TP63: variants seen among roughly 807,000 people sequenced by gnomAD.
TP63 encodes the protein tumor protein p63, also known as tumor protein 63.
Under a neutral mutation model 82.8 loss-of-function variants are expected in TP63, and 17 were observed. The ratio of observed to expected loss-of-function variants is 0.21; its 90% CI spans 0.14 to 0.31. The LOEUF is 0.31. Ranked by LOEUF, TP63 falls within the 10% of genes least tolerant of loss-of-function variation. The probability of loss-of-function intolerance (pLI) is 1.00; values close to 1 mark genes in which losing one functional copy is unlikely to be tolerated. For synonymous variants in TP63, 330 were observed against 321.7 expected (o/e 1.03, Z -0.28); for missense variants, 648 against 895.3 (o/e 0.72, Z 3.52).
rs1560280182 is a variant in TP63 at position 189,868,576 on chromosome 3, C to T, written c.993-4C>T. On this transcript the variant is annotated splice_polypyrimidine_tract_variant and splice_region_variant and intron_variant, in intron 7 of 13. Coordinates refer to ENST00000264731, the MANE Select transcript of TP63 (RefSeq NM_003722.5). Reference sequence around the variant, plus strand: ...TCTTTCTTCCCCTTTATTCTAATTCCTAGTGGGCAAGTCCTGGGCCGACGC... The same window carrying T: ...TCTTTCTTCCCCTTTATTCTAATTCTTAGTGGGCAAGTCCTGGGCCGACGC... 1 of 1,613,956 alleles carries T rather than the reference C, an allele frequency of 6.2e-7. No homozygotes were observed. Among genetic ancestry groups the T allele is most frequent in the Admixed American group, 1.7e-5 (1 of 60,008 alleles).
intron 4 of TP63, among the ~76,000 whole-genome samples, chr3:189,856,487 A>G (rs1408687067): frequency 1.3e-5 from 2 of 152,014 alleles, no homozygotes; most frequent in African/African-American, 2.4e-5. Context: ...AGTTCAAAAA[A>G]ATAGCAAACT....
rs1000383245 is a variant in TP63, at chr3:189,780,445, A to T, written c.325-27827A>T. Among the ~76,000 whole-genome samples, 22 of 152,082 alleles carry T rather than the reference A, an allele frequency of 1.4e-4. 1 individual carries two copies. Among genetic ancestry groups the T allele is most frequent in the African/African-American group, 5.1e-4 (21 of 41,400 alleles). On this transcript the variant is annotated intron_variant, in intron 3 of 13. Coordinates refer to ENST00000264731, the MANE Select transcript of TP63 (RefSeq NM_003722.5). ...GGTTCTTATCAAAATATTTTCTTGC[A>T]CTCTTGAAGTTGGATTTGGTTTTTC...
chr3:189,649,999 G>C (rs1443881574), intron 1 of TP63, among the ~76,000 whole-genome samples: 1 of 147,270 alleles, frequency 6.8e-6, no homozygotes, highest in Non-Finnish European at 1.5e-5. Flanking sequence ...AGGGGCTATT[G>C]TTCTATATGA....
At chr3:189,743,293 T>A (rs1471267160) in intron 3 of TP63, among the ~76,000 whole-genome samples, 4 of 152,168 alleles carry the variant, frequency 2.6e-5, no homozygotes, top group Non-Finnish European at 4.4e-5. Flanking sequence ...CAGCAAAAAA[T>A]TTAATGATAA....
At chr3:189,872,324 A>G (rs1163833296) in intron 9 of TP63, among the ~76,000 whole-genome samples, 1 of 151,904 alleles carries the variant, frequency 6.6e-6, no homozygotes, top group Non-Finnish European at 1.5e-5. Flanking sequence ...ATTTTATTTA[A>G]TATATACCGT....
intron 4 of TP63, among the ~76,000 whole-genome samples, chr3:189,843,490 A>T (rs552238280): frequency 8.5e-4 from 129 of 152,258 alleles, no homozygotes; most frequent in African/African-American, 2.6e-3. Context: ...GGATTTTTTT[A>T]AAAAAATGAT....
chr3:189,689,916 T>C (rs920542242), intron 1 of TP63, among the ~76,000 whole-genome samples: 1 of 152,056 alleles, frequency 6.6e-6, no homozygotes, highest in African/African-American at 2.4e-5. Context: ...ATGAGGCAGA[T>C]TTTTGAACTT....
intron 3 of TP63, among the ~76,000 whole-genome samples, chr3:189,749,160 A>T (rs1024804119): frequency 2.0e-5 from 3 of 152,182 alleles, no homozygotes; most frequent in African/African-American, 4.8e-5. Context: ...ACAAAAAAAA[A>T]TAGACAAATG....
chr3:189,883,956 C>G (rs1237876395), intron 10 of TP63, among the ~76,000 whole-genome samples: 2 of 150,130 alleles, frequency 1.3e-5, no homozygotes, highest in African/African-American at 2.4e-5. Flanking sequence ...AAAAGCAAAA[C>G]TTTTAAATGT....
chr3:189,840,762 G>T (rs1383488451), intron 4 of TP63, among the ~76,000 whole-genome samples: 8 of 149,886 alleles, frequency 5.3e-5, no homozygotes, highest in Non-Finnish European at 5.9e-5. Flanking sequence ...GGAGCCTGAG[G>T]CAGAGAATTG....
Position 189,880,810 on chromosome 3 carries a change from G to A in TP63, c.1350-5584G>A, listed in dbSNP as rs549133686. The A allele has an allele frequency of 7.8e-4, 766 of 985,342 alleles. 1 individual carries two copies. Among genetic ancestry groups the A allele is most frequent in the Non-Finnish European group, 9.0e-4 (743 of 829,914 alleles). The allele number at this position is 985,342 out of a possible 1,614,324, so 61.0% of individuals were successfully genotyped here. A position where few individuals can be genotyped will look rare whatever the true frequency, so the allele number is the denominator to read the frequency against. On this transcript the variant is annotated intron_variant, in intron 10 of 13. Transcript: ENST00000264731. Reference sequence around the variant, plus strand: ...TTCTTTGTGAGAACTTGCATTATTTGTGTCCTCCCCTCATGTGTAGGTAGA... The same window carrying A: ...TTCTTTGTGAGAACTTGCATTATTTATGTCCTCCCCTCATGTGTAGGTAGA...
Position 189,864,432 on chromosome 3 carries a change from G to A in TP63, c.766+14G>A. The A allele has an allele frequency of 6.2e-7, 1 of 1,600,040 alleles. No homozygotes were observed. Among genetic ancestry groups the A allele is most frequent in the African/African-American group, 1.3e-5 (1 of 74,602 alleles). ...AATTCAACGAGGGTAAGCAGAATTT[G>A]AATCTCTAACTGTTCAACCTCCTTG... On this transcript the variant is annotated intron_variant, in intron 5 of 13. Transcript: ENST00000264731.
intron 2 of TP63, among the ~76,000 whole-genome samples, chr3:189,738,343 A>G (rs1444508903): frequency 1.3e-5 from 2 of 152,222 alleles, no homozygotes; most frequent in African/African-American, 2.4e-5. Context: ...ACCCTTAGGA[A>G]TCGAGTATAA....
chr3:189,773,335 C>T (rs1723514452), intron 3 of TP63, among the ~76,000 whole-genome samples: 1 of 152,178 alleles, frequency 6.6e-6, no homozygotes, highest in Admixed American at 6.5e-5. Context: ...TATTTTCGGT[C>T]AAAGTCCTTA....
chr3:189,734,102 T>G, intron 1 of TP63, among the ~76,000 whole-genome samples: 1 of 151,260 alleles, frequency 6.6e-6, no homozygotes, highest in African/African-American at 2.4e-5. Context: ...TACTTTCTCT[T>G]TCTTTCTCTC....
chr3:189,723,453 C>T (rs11711203), intron 1 of TP63, among the ~76,000 whole-genome samples: 36,802 of 152,154 alleles, frequency 0.24, 5,199 homozygotes, highest in East Asian at 0.35. Flanking sequence ...AGATACTTTG[C>T]TCATGGAAAC....
At chr3:189,856,267 G>A (rs1002506722) in intron 4 of TP63, among the ~76,000 whole-genome samples, 6 of 151,118 alleles carry the variant, frequency 4.0e-5, no homozygotes, top group Non-Finnish European at 7.4e-5. Context: ...AATTTTCTTA[G>A]GAATGTGAGT....
At chr3:189,738,961 A>G in intron 3 of TP63, 187 bp downstream of exon 3, 7 of 748,006 alleles carry the variant, frequency 9.4e-6, no homozygotes, top group Non-Finnish European at 1.5e-5. Context: ...TGCCGCAAAT[A>G]TCTATAATAT....
the TP63 span, among the ~76,000 whole-genome samples, chr3:189,606,341 C>T: frequency 6.6e-6 from 1 of 151,992 alleles, no homozygotes; most frequent in Non-Finnish European, 1.5e-5. Context: ...ATCAACAGTT[C>T]ATGGCTGGAA....
Sources: gnomAD v4.1 joint callset for allele counts (sites outside exome capture counted in the v4.1 genomes callset) on GRCh38, gnomAD v4.1.1 for gene constraint, MANE v1.5 for transcripts, NCBI Gene and HGNC (gene_info 2026-07-23, HGNC 2026-07-21) for gene names.